TNNI3K: variants seen among roughly 807,000 people sequenced by gnomAD.
The protein encoded by TNNI3K is serine/threonine-protein kinase TNNI3K.
In TNNI3K, 140 loss-of-function variants were observed where a neutral mutation model predicts 114.5. The ratio of observed to expected loss-of-function variants is 1.22; its 90% CI spans 1.07 to 1.41. The LOEUF (loss-of-function observed/expected upper bound fraction) is 1.41. TNNI3K is among the 40% of genes most tolerant of loss of function. The pLI is 0.00. For missense variants in TNNI3K, 1,125 were observed against 1,007.6 expected (o/e 1.12, Z -1.58); for synonymous variants, 347 against 347.5 (o/e 1.00, Z 0.02).
At chr1:74,416,142 C>T (rs1036310962) in intron 17 of TNNI3K, among the ~76,000 whole-genome samples, 5 of 152,126 alleles carry the variant, frequency 3.3e-5, no homozygotes, top group African/African-American at 4.8e-5. Flanking sequence ...GGTTCTCAAG[C>T]GTCCAAATAT....
At position 74,543,982 on chromosome 1, in the gene TNNI3K, A is replaced by G; in HGVS notation, c.2508A>G (p.Ter836TrpextTer7). ...GTAGCAGCTTTGAGGACAGCAGCTGACAGCATTCGGCGTATACCTAAGGAG... is the reference window on the plus strand; with the variant it reads ...GTAGCAGCTTTGAGGACAGCAGCTGGCAGCATTCGGCGTATACCTAAGGAG... Reference protein sequence around the residue: ...RNSSSFEDSS* With the variant: ...RNSSSFEDSSW The change falls in exon 25 of 25, where the codon TGA becomes TGG. Residue 836 changes from the stop codon to tryptophan (W), a stop_lost. Coordinates refer to ENST00000326637, the MANE Select transcript of TNNI3K (RefSeq NM_015978.3). 6.2e-7 allele frequency: 1 copy of G among 1,612,736 alleles called. No homozygotes were observed. Among genetic ancestry groups the G allele is most frequent in the Non-Finnish European group, 8.5e-7 (1 of 1,179,458 alleles).
intron 23 of TNNI3K, among the ~76,000 whole-genome samples, chr1:74,505,508 T>TA (rs1263608173): frequency 7.2e-5 from 11 of 152,342 alleles, no homozygotes; most frequent in Admixed American, 3.9e-4. Context: ...AAGCAGCTCT[T>TA]ACAATGGCTC....
chr1:74,258,530 G>C (rs1179215811), intron 4 of TNNI3K, among the ~76,000 whole-genome samples: 1 of 152,128 alleles, frequency 6.6e-6, no homozygotes, highest in Admixed American at 6.5e-5. Flanking sequence ...CCATTTTGTA[G>C]ATTTTATTTG....
At chr1:74,269,300 CT>C (rs1656202121) in intron 4 of TNNI3K, among the ~76,000 whole-genome samples, 1 of 151,836 alleles carries the variant, frequency 6.6e-6, no homozygotes, top group South Asian at 2.1e-4. Flanking sequence ...AAAATATAAG[CT>C]CTGTGAGAGC....
chr1:74,344,275 A>C (rs978021769), intron 9 of TNNI3K, among the ~76,000 whole-genome samples: 1 of 152,194 alleles, frequency 6.6e-6, no homozygotes, highest in Admixed American at 6.6e-5. Context: ...ATTCGCATCC[A>C]TTATCTCATG....
chr1:74,238,605 G>A (rs554502897), intron 2 of TNNI3K, among the ~76,000 whole-genome samples: 5 of 152,020 alleles, frequency 3.3e-5, no homozygotes, highest in Admixed American at 6.6e-5. Context: ...GGAAGATGCC[G>A]AAATCTGAAA....
chr1:74,284,071 A>ATTCTTC (rs536527328), intron 5 of TNNI3K, among the ~76,000 whole-genome samples: 1 of 151,990 alleles, frequency 6.6e-6, no homozygotes, highest in South Asian at 2.1e-4. Context: ...AAGACGGGAA[A>ATTCTTC]TTCTTCTTCT....
In TNNI3K at chr1:74,240,298, G is replaced by A. The variant is rs543168350; in HGVS notation, c.149+4088G>A. On this transcript the variant is annotated intron_variant, in intron 2 of 24. Coordinates refer to ENST00000326637, the MANE Select transcript of TNNI3K (RefSeq NM_015978.3). ...CATCAGCTTATATAATCCTAATGGT[G>A]TATATGTAAAGTGCTTTAGCACAGT... 15 of 164,972 alleles carry A rather than the reference G, an allele frequency of 9.1e-5. No homozygotes were observed. In the South Asian group the frequency reaches 2.5e-3, roughly 27 times the overall value. The allele number at this position is 164,972 out of a possible 1,614,324, so 10.2% of individuals were successfully genotyped here.
chr1:74,461,631 A>C (rs113433301), intron 20 of TNNI3K, among the ~76,000 whole-genome samples: 180 of 152,348 alleles, frequency 1.2e-3, no homozygotes, highest in African/African-American at 4.1e-3. Flanking sequence ...TTTACCTCTG[A>C]AATTAGTAAC....
chr1:74,336,121 C>CAA lies in TNNI3K; in HGVS notation c.654_655insAA (p.Leu219AsnfsTer2), dbSNP rs1175408567. Reference sequence around the variant, plus strand: ...AAGGATTCTTGAATATTGCAAAACTCTTGATGGAAGAAGGCAGCAAAGCAG... The same window carrying CAA: ...AAGGATTCTTGAATATTGCAAAACTCAATTGATGGAAGAAGGCAGCAAAGCAG... On this transcript the variant is annotated frameshift_variant, in exon 7 of 25. Coordinates refer to ENST00000326637, the MANE Select transcript of TNNI3K (RefSeq NM_015978.3). LOFTEE classifies it high-confidence loss of function. The CAA allele has an allele frequency of 6.2e-7, 1 of 1,603,186 alleles. No individual in the cohort carries two copies. The highest frequency in any genetic ancestry group is 1.3e-5 in the African/African-American group (1 of 74,080).
At chr1:74,473,583 T>C (rs1355716971) in intron 21 of TNNI3K, among the ~76,000 whole-genome samples, 1 of 151,876 alleles carries the variant, frequency 6.6e-6, no homozygotes, top group Non-Finnish European at 1.5e-5. Flanking sequence ...CAAAATTAAC[T>C]TTTAGTAGAC....
Position 74,342,954 on chromosome 1 carries a change from T to A in TNNI3K, c.795T>A (p.Val265=). The A allele has an allele frequency of 6.2e-7, 1 of 1,613,948 alleles. No individual in the cohort carries two copies. Among genetic ancestry groups the A allele is most frequent in the Non-Finnish European group, 8.5e-7 (1 of 1,179,906 alleles). ...GTGATTTGGAAGTTCAACCTCATGT[T>A]GTTAATATCTATGGAGATACCCCCT... The part of the protein sequence containing the change: ...LQSDLEVQPH[V]VNIYGDTPLH... The change falls in exon 8 of 25, where the codon GTT becomes GTA. Residue 265 remains valine, a synonymous_variant. Coordinates refer to ENST00000326637, the MANE Select transcript of TNNI3K (RefSeq NM_015978.3).
chr1:74,540,413 A>G (rs1646712861), intron 24 of TNNI3K, 100 bp downstream of exon 24: 4 of 1,058,074 alleles, frequency 3.8e-6, no homozygotes, highest in African/African-American at 1.6e-5. Context: ...TGTAATATCC[A>G]AAATGACAGA....
At chr1:74,491,096 C>T (rs1330821461) in intron 22 of TNNI3K, among the ~76,000 whole-genome samples, 1 of 152,084 alleles carries the variant, frequency 6.6e-6, no homozygotes, top group African/African-American at 2.4e-5. Context: ...CTGGGATACA[C>T]ATTTTAGAAG....
chr1:74,462,726 A>G (rs1171337030), intron 20 of TNNI3K, among the ~76,000 whole-genome samples: 1 of 152,324 alleles, frequency 6.6e-6, no homozygotes, highest in South Asian at 2.1e-4. Flanking sequence ...TAGTTGCAGA[A>G]CAGGAAATAT....
rs139534899 is a variant in TNNI3K, at chr1:74,305,359, A to C, written c.445-26091A>C. 4.2e-3 allele frequency among the ~76,000 whole-genome samples: 640 copies of C among 152,326 alleles called. 3 individuals are homozygous for C. The highest frequency in any genetic ancestry group is 7.5e-3 in the Non-Finnish European group (512 of 68,030). ...GTTTTTGGAACATGCTTTCAGGATCAATACCCATGAAGAAAAATAAGGAAC... is the reference window on the plus strand; with the variant it reads ...GTTTTTGGAACATGCTTTCAGGATCCATACCCATGAAGAAAAATAAGGAAC... On this transcript the variant is annotated intron_variant, in intron 5 of 24. Coordinates refer to ENST00000326637, the MANE Select transcript of TNNI3K (RefSeq NM_015978.3).
chr1:74,350,449 T>C (rs28847657), intron 9 of TNNI3K, among the ~76,000 whole-genome samples: 140 of 152,308 alleles, frequency 9.2e-4, no homozygotes, highest in African/African-American at 3.2e-3. Flanking sequence ...ATTCTGTTGA[T>C]TTGGGGTGGA....
At chr1:74,380,680 C>G (rs1432821530) in intron 17 of TNNI3K, among the ~76,000 whole-genome samples, 1 of 152,132 alleles carries the variant, frequency 6.6e-6, no homozygotes, top group African/African-American at 2.4e-5. Context: ...TCAACAAAAG[C>G]TTTTCTCTGT....
At chr1:74,353,424 G>A (rs1661487616) in intron 10 of TNNI3K, 64 bp downstream of exon 10, 1 of 1,576,260 alleles carries the variant, frequency 6.3e-7, no homozygotes, top group Non-Finnish European at 8.7e-7. Flanking sequence ...ATAATGGTAT[G>A]CAAAGGGATG....
Sources: allele counts gnomAD v4.1 joint callset (sites outside exome capture counted in the v4.1 genomes callset), GRCh38; gene constraint gnomAD v4.1.1; transcripts MANE v1.5; gene names NCBI Gene and HGNC (gene_info 2026-07-23, HGNC 2026-07-21).